The following PAQR3 variants were observed in gnomAD, a reference collection of about 807,000 sequenced individuals.
PAQR3 encodes the protein Raf kinase trapping to Golgi.
In PAQR3, 39 loss-of-function variants were observed where a neutral mutation model predicts 41.7. The observed-to-expected ratio is 0.93, with a 90% CI of 0.72 to 1.22. PAQR3 has a LOEUF of 1.22. Ranked by LOEUF, PAQR3 falls within the 50% of genes most tolerant of loss-of-function variation. The pLI, the probability that PAQR3 is intolerant of heterozygous loss-of-function variation, is 0.00. For missense variants in PAQR3, 366 were observed against 385.6 expected (o/e 0.95, Z 0.42); for synonymous variants, 140 against 140.6 (o/e 1.00, Z 0.03).
rs1735416589 is a variant in PAQR3 at position 78,919,310 on chromosome 4, A to G, written c.*1229T>C. ...GTAATATTTTATACTCCAATAAACA[A>G]TGTAAGTTTTTATGAATGTCTACTT... is the stretch of plus-strand genomic sequence containing the variant. On this transcript the variant is annotated 3_prime_UTR_variant, in exon 6 of 6. Coordinates refer to ENST00000512733, the MANE Select transcript of PAQR3 (RefSeq NM_001040202.2). 8.1e-6 allele frequency: 8 copies of G among 983,800 alleles called. No homozygotes were observed. The highest frequency in any genetic ancestry group is 4.7e-5 in the South Asian group (1 of 21,268). 60.9% of individuals were successfully genotyped at this position (983,800 alleles called of 1,614,324 possible).
At position 78,920,277 on chromosome 4, in the gene PAQR3, C is replaced by T. The variant is rs10518209; in HGVS notation, c.*262G>A. ...CCTATTTCAACACTAGTTTCCCATT[C>T]ATCGTTGTTATTCAGATGTTTCTTA... On this transcript the variant is annotated 3_prime_UTR_variant, in exon 6 of 6. Coordinates refer to ENST00000512733, the MANE Select transcript of PAQR3 (RefSeq NM_001040202.2). The T allele has an allele frequency of 0.049, 55,049 of 1,116,492 alleles. 2,018 individuals carry two copies. The highest frequency in any genetic ancestry group is 0.24 in the East Asian group (4,888 of 20,456). 69.2% of individuals were successfully genotyped at this position (1,116,492 alleles called of 1,614,324 possible). A position where few individuals can be genotyped will look rare whatever the true frequency, so the allele number is the denominator to read the frequency against.
At chr4:78,928,588 G>C (rs762869888) in intron 3 of PAQR3, among the ~76,000 whole-genome samples, 2 of 152,178 alleles carry the variant, frequency 1.3e-5, no homozygotes, top group African/African-American at 2.4e-5. Context: ...AGCAATGTGA[G>C]AAATTCTACA....
chr4:78,922,239 C>T (rs1417501988), intron 5 of PAQR3: 10 of 1,213,210 alleles, frequency 8.2e-6, no homozygotes, highest in East Asian at 5.7e-5. Flanking sequence ...ATGTTTACAA[C>T]GCAGGTTTTC....
In PAQR3 at chr4:78,913,456, A is replaced by G. The variant is rs1380672628; in HGVS notation, c.*7083T>C. 6.6e-6 allele frequency: 1 copy of G among 151,564 alleles called. No individual in the cohort carries two copies. The highest frequency in any genetic ancestry group is 6.6e-5 in the Admixed American group (1 of 15,246). The allele number at this position is 151,564 out of a possible 1,614,324, so 9.4% of individuals were successfully genotyped here. A position where few individuals can be genotyped will look rare whatever the true frequency, so the allele number is the denominator to read the frequency against. On this transcript the variant is annotated 3_prime_UTR_variant, in exon 6 of 6. Transcript: ENST00000512733. ...ATCTGTGCTTCCTGTGTCTATGACT[A>G]TTTTAAGATATAATTGTGCTGCGCT...
intron 11 of PAQR3, among the ~76,000 whole-genome samples, chr4:78,889,114 G>A (rs1480702110): frequency 6.6e-6 from 1 of 151,658 alleles, no homozygotes; most frequent in Non-Finnish European, 1.5e-5. Context: ...CCAGCTACTC[G>A]GGAGGCTAAG....
rs1288820949 is a variant in PAQR3 at position 78,939,414 on chromosome 4, A to T, written c.-190T>A. ...GCCACTGCCGCCAGCGCCGCGGCGG[A>T]CCCGGCAGCGTCGCAGCCTCCTCTG... On this transcript the variant is annotated 5_prime_UTR_variant, in exon 1 of 6. Coordinates refer to ENST00000512733, the MANE Select transcript of PAQR3 (RefSeq NM_001040202.2). The T allele has an allele frequency of 3.4e-6, 1 of 297,152 alleles. No homozygotes were observed. Among genetic ancestry groups the T allele is most frequent in the African/African-American group, 2.2e-5 (1 of 44,576 alleles). 18.4% of individuals were successfully genotyped at this position (297,152 alleles called of 1,614,324 possible). A position where few individuals can be genotyped will look rare whatever the true frequency, so the allele number is the denominator to read the frequency against.
chr4:78,909,055 C>CTTTTT (rs1053664659), downstream of PAQR3, among the ~76,000 whole-genome samples: 355 of 94,408 alleles, frequency 3.8e-3, 7 homozygotes, highest in Non-Finnish European at 5.5e-3. Flanking sequence ...TTCCCTTAGT[C>CTTTTT]TTTTTTTTTT....
intron 11 of PAQR3, among the ~76,000 whole-genome samples, chr4:78,889,220 C>CAAAAA (rs71661191): frequency 5.6e-5 from 3 of 53,706 alleles, no homozygotes; most frequent in Non-Finnish European, 8.0e-5. Flanking sequence ...GACTCTGTCT[C>CAAAAA]AAAAAAAAAA....
chr4:78,938,950 C>G (rs1315187058), intron 1 of PAQR3, 90 bp downstream of exon 1: 2 of 1,279,918 alleles, frequency 1.6e-6, no homozygotes, highest in African/African-American at 3.1e-5. Context: ...GATGGGCAAG[C>G]AGAAAGGCGG....
intron 4 of PAQR3, among the ~76,000 whole-genome samples, chr4:78,925,357 T>TTTTCAG (rs1157268710): frequency 6.6e-6 from 1 of 151,470 alleles, no homozygotes; most frequent in Non-Finnish European, 1.5e-5. Context: ...CCCCATTTCA[T>TTTTCAG]TTTCTTATTA....
intron 11 of PAQR3, among the ~76,000 whole-genome samples, chr4:78,901,644 C>G (rs1162724842): frequency 6.6e-6 from 1 of 152,170 alleles, no homozygotes; most frequent in African/African-American, 2.4e-5. Flanking sequence ...CATTCCCTTT[C>G]TTCTCCCCAG....
intron 11 of PAQR3, among the ~76,000 whole-genome samples, chr4:78,902,937 T>G (rs1448138820): frequency 6.6e-6 from 1 of 152,114 alleles, no homozygotes; most frequent in Non-Finnish European, 1.5e-5. Context: ...ATCTCATTCT[T>G]TTTATGAAGT....
At position 78,923,905 on chromosome 4, in the gene PAQR3, G is replaced by A; in HGVS notation, c.745C>T (p.Leu249Phe). The A allele has an allele frequency of 2.5e-6, 4 of 1,613,400 alleles. No individual in the cohort carries two copies. Among genetic ancestry groups the A allele is most frequent in the Non-Finnish European group, 2.5e-6 (3 of 1,179,494 alleles). ...RVIVMYMIAL[L>F]AFLFYISKVP... ...TTGGAAATGTAGAATAGGAAAGCAAGAAGAGCAATCATATACATCACAATT... is the reference window on the plus strand; with the variant it reads ...TTGGAAATGTAGAATAGGAAAGCAAAAAGAGCAATCATATACATCACAATT... The change falls in exon 5 of 6, where the codon CTT (leucine) becomes TTT (phenylalanine). Residue 249 changes from leucine to phenylalanine, a missense_variant. Coordinates refer to ENST00000512733, the MANE Select transcript of PAQR3 (RefSeq NM_001040202.2).
In PAQR3 at chr4:78,939,112, C is replaced by T. The variant is rs1471185690; in HGVS notation, c.113G>A (p.Gly38Glu). Residue 38 changes from glycine to glutamate, a missense_variant, in exon 1 of 6, where the codon GGG (glycine) becomes GAG (glutamate). Transcript: ENST00000512733. ...GATGTACGGGTTGTCCTTGAGGGAC[C>T]CGGGGATCTGCTCGTAGGTGTACAG... ...IRLYTYEQIP[G>E]SLKDNPYITD... The T allele has an allele frequency of 6.2e-7, 1 of 1,613,718 alleles. No homozygotes were observed. Among genetic ancestry groups the T allele is most frequent in the Non-Finnish European group, 8.5e-7 (1 of 1,179,838 alleles).
downstream of PAQR3, chr4:78,910,558 A>G: frequency 7.4e-7 from 1 of 1,357,394 alleles, no homozygotes. Flanking sequence ...TTAGTGCAAG[A>G]GGATTCTGAA....
intron 5 of PAQR3, chr4:78,923,420 G>A: frequency 4.4e-6 from 1 of 226,808 alleles, no homozygotes; most frequent in Non-Finnish European, 8.7e-6. Flanking sequence ...ACATGTTGGT[G>A]TGCTGCACCC....
chr4:78,933,674 A>G (rs1737144580), intron 2 of PAQR3, among the ~76,000 whole-genome samples: 1 of 152,208 alleles, frequency 6.6e-6, no homozygotes, highest in South Asian at 2.1e-4. Context: ...ACAGGATTTT[A>G]CTGCCCTGCT....
Position 78,916,666 on chromosome 4 carries a change from G to A in PAQR3, c.*3873C>T, listed in dbSNP as rs1160654467. Reference sequence around the variant, plus strand: ...ATGACAGTAAGGCAAAAACAATATTGTGTAGTGCCTTCTGAATAACTTATT... The same window carrying A: ...ATGACAGTAAGGCAAAAACAATATTATGTAGTGCCTTCTGAATAACTTATT... On this transcript the variant is annotated 3_prime_UTR_variant, in exon 6 of 6. Transcript: ENST00000512733. The A allele has an allele frequency of 6.6e-6, 1 of 151,830 alleles. No homozygotes were observed. The highest frequency in any genetic ancestry group is 1.5e-5 in the Non-Finnish European group (1 of 67,842). The allele number at this position is 151,830 out of a possible 1,614,324, so 9.4% of individuals were successfully genotyped here. A position where few individuals can be genotyped will look rare whatever the true frequency, so the allele number is the denominator to read the frequency against.
chr4:78,919,015 G>A lies in PAQR3; in HGVS notation c.*1524C>T. ...GTAAGACACGGTATTCCTTTACTGA[G>A]CCTCCTGGGGGGAAATTCTCTTTGC... On this transcript the variant is annotated 3_prime_UTR_variant, in exon 6 of 6. Transcript: ENST00000512733. The A allele has an allele frequency of 1.0e-6, 1 of 984,956 alleles. No individual in the cohort carries two copies. The highest frequency in any genetic ancestry group is 1.2e-6 in the Non-Finnish European group (1 of 829,694). The allele number at this position is 984,956 out of a possible 1,614,324, so 61.0% of individuals were successfully genotyped here. A position where few individuals can be genotyped will look rare whatever the true frequency, so the allele number is the denominator to read the frequency against.
Sources: allele counts gnomAD v4.1 joint callset (sites outside exome capture counted in the v4.1 genomes callset), GRCh38; gene constraint gnomAD v4.1.1; transcripts MANE v1.5; gene names NCBI Gene and HGNC (gene_info 2026-07-23, HGNC 2026-07-21).